The following PDGFC variants were observed in gnomAD, a reference collection of about 807,000 sequenced individuals.
PDGFC encodes platelet-derived growth factor C.
PDGFC carries 12 observed loss-of-function variants against 35.5 expected under a neutral mutation model. That is an observed-to-expected ratio of 0.34 (90% confidence interval 0.22 to 0.55). The LOEUF is 0.55. PDGFC is among the 20% of genes least tolerant of loss of function. PDGFC has a pLI of 0.91. For synonymous variants in PDGFC, 159 were observed against 148.8 expected, an observed-to-expected ratio of 1.07 and a Z score of -0.50; for missense variants, 322 against 412.4, an observed-to-expected ratio of 0.78 and a Z score of 1.90.
At chr4:156,792,201 A>G (rs1331053802) in intron 3 of PDGFC, among the ~76,000 whole-genome samples, 1 of 152,190 alleles carries the variant, frequency 6.6e-6, no homozygotes, top group Non-Finnish European at 1.5e-5. Context: ...AGTGGTTAGG[A>G]AAGTGATTAA....
intron 2 of PDGFC, among the ~76,000 whole-genome samples, chr4:156,834,445 G>C (rs1729015171): frequency 6.6e-6 from 1 of 152,086 alleles, no homozygotes; most frequent in African/African-American, 2.4e-5. Flanking sequence ...AATTTTAGAA[G>C]CAATAAATTA....
At chr4:156,817,793 T>C (rs148036378) in intron 2 of PDGFC, among the ~76,000 whole-genome samples, 9,008 of 152,130 alleles carry the variant, frequency 0.059, 374 homozygotes, top group Middle Eastern at 0.12. Flanking sequence ...GCGTGGTGGC[T>C]CATGCCTGTA....
intron 1 of PDGFC, among the ~76,000 whole-genome samples, chr4:156,947,609 C>T (rs1243118900): frequency 6.6e-6 from 1 of 151,664 alleles, no homozygotes; most frequent in Admixed American, 6.6e-5. Context: ...GAGGTGGTAT[C>T]ACAAAACAAC....
intron 2 of PDGFC, among the ~76,000 whole-genome samples, chr4:156,823,169 C>T (rs1227667425): frequency 1.3e-5 from 2 of 152,046 alleles, no homozygotes; most frequent in South Asian, 2.1e-4. Context: ...CTTTGGGAGA[C>T]GGAGCTGAGC....
At chr4:156,806,327 T>G (rs999986788) in intron 3 of PDGFC, among the ~76,000 whole-genome samples, 3 of 152,084 alleles carry the variant, frequency 2.0e-5, no homozygotes, top group African/African-American at 7.2e-5. Context: ...CTATAACTTC[T>G]AATTCTCTTA....
intron 2 of PDGFC, among the ~76,000 whole-genome samples, chr4:156,819,023 A>G (rs911520493): frequency 7.2e-5 from 11 of 152,352 alleles, no homozygotes; most frequent in African/African-American, 2.6e-4. Flanking sequence ...GCCAAAGCCT[A>G]GTCCAGAGCA....
chr4:156,793,556 TATATATAA>T (rs1031369471), intron 3 of PDGFC, among the ~76,000 whole-genome samples: 14 of 145,476 alleles, frequency 9.6e-5, no homozygotes, highest in Middle Eastern at 3.6e-3. Context: ...TATATATATA[TATATATAA>T]AACACTTTAA....
At chr4:156,824,718 C>A (rs1181173788) in intron 2 of PDGFC, among the ~76,000 whole-genome samples, 1 of 152,060 alleles carries the variant, frequency 6.6e-6, no homozygotes, top group African/African-American at 2.4e-5. Flanking sequence ...TGAAATAATG[C>A]CAAGATTTAG....
intron 1 of PDGFC, among the ~76,000 whole-genome samples, chr4:156,865,386 T>C (rs1294358130): frequency 6.6e-6 from 1 of 152,208 alleles, no homozygotes; most frequent in Non-Finnish European, 1.5e-5. Context: ...TTAAAAATTA[T>C]TAACTTTTCT....
At chr4:156,847,950 T>C (rs1257126691) in intron 2 of PDGFC, among the ~76,000 whole-genome samples, 1 of 151,702 alleles carries the variant, frequency 6.6e-6, no homozygotes, top group Non-Finnish European at 1.5e-5. Context: ...TGACTTTGCA[T>C]TTCACTGGGG....
In PDGFC at chr4:156,771,527, T is replaced by G. The variant is rs149833849; in HGVS notation, c.703+1159A>C. ...ACAGCTTTCAGCATCTGGACAGGAC[T>G]CAACTGCCCAGGCACTTGAACACTG... is the stretch of plus-strand genomic sequence containing the variant. On this transcript the variant is annotated intron_variant, in intron 4 of 5. Coordinates refer to ENST00000502773, the MANE Select transcript of PDGFC (RefSeq NM_016205.3). 1.1e-3 allele frequency among the ~76,000 whole-genome samples: 171 copies of G among 152,270 alleles called. 1 individual carries two copies. The highest frequency in any genetic ancestry group is 3.1e-3 in the Admixed American group (48 of 15,276).
At chr4:156,822,130 C>A (rs955031333) in intron 2 of PDGFC, among the ~76,000 whole-genome samples, 1 of 151,922 alleles carries the variant, frequency 6.6e-6, no homozygotes, top group Non-Finnish European at 1.5e-5. Flanking sequence ...GAGGCCAAGG[C>A]GGGTAGATCA....
chr4:156,920,895 T>G (rs149687604), intron 1 of PDGFC, among the ~76,000 whole-genome samples: 292 of 152,322 alleles, frequency 1.9e-3, no homozygotes, highest in African/African-American at 6.1e-3. Flanking sequence ...GGAGTGTAGT[T>G]GTTACAGACC....
At chr4:156,889,767 T>C (rs891229247) in intron 1 of PDGFC, among the ~76,000 whole-genome samples, 1 of 152,188 alleles carries the variant, frequency 6.6e-6, no homozygotes, top group African/African-American at 2.4e-5. Flanking sequence ...ATCTTGTCGG[T>C]TGCCCAATCT....
rs576010660 is a variant in PDGFC, at chr4:156,772,980, G to C, written c.496-87C>G. On this transcript the variant is annotated intron_variant, in intron 3 of 5. Coordinates refer to ENST00000502773, the MANE Select transcript of PDGFC (RefSeq NM_016205.3). ...ATATGCAAGAAATTATAAAGACTGA[G>C]GCTGGAAATATGTGTGAAGGGAAAT... 252 of 861,546 alleles carry C rather than the reference G, an allele frequency of 2.9e-4. 2 individuals are homozygous for C. In the South Asian group the frequency reaches 3.5e-3, roughly 12 times the overall value. The allele number at this position is 861,546 out of a possible 1,614,324, so 53.4% of individuals were successfully genotyped here.
intron 1 of PDGFC, among the ~76,000 whole-genome samples, chr4:156,930,729 G>A (rs752239962): frequency 3.9e-5 from 6 of 152,024 alleles, no homozygotes; most frequent in Non-Finnish European, 7.4e-5. Context: ...TTAGCTGGGA[G>A]TGGTGGTGCA....
At chr4:156,829,158 A>G (rs1728865399) in intron 2 of PDGFC, among the ~76,000 whole-genome samples, 1 of 152,194 alleles carries the variant, frequency 6.6e-6, no homozygotes, top group African/African-American at 2.4e-5. Flanking sequence ...TCTAACTCTT[A>G]TGATCTACTA....
intron 1 of PDGFC, among the ~76,000 whole-genome samples, chr4:156,934,708 C>A (rs922811251): frequency 2.0e-5 from 3 of 152,090 alleles, no homozygotes; most frequent in African/African-American, 7.2e-5. Flanking sequence ...TTCTTTATAT[C>A]CATATTCTAT....
Position 156,971,462 on chromosome 4 carries a change from C to T in PDGFC, c.-559G>A. On this transcript the variant is annotated 5_prime_UTR_variant, in exon 1 of 6. Coordinates refer to ENST00000502773, the MANE Select transcript of PDGFC (RefSeq NM_016205.3). ...GGGAAGAAACAAGGCGAGGGCGCCG[C>T]GGCGGGTCCCACGGGCCGGGGCGCC... is the stretch of plus-strand genomic sequence containing the variant. 5.2e-6 allele frequency: 1 copy of T among 191,932 alleles called. No homozygotes were observed. The allele number at this position is 191,932 out of a possible 1,614,324, so 11.9% of individuals were successfully genotyped here. A position where few individuals can be genotyped will look rare whatever the true frequency, so the allele number is the denominator to read the frequency against.
Sources: gnomAD v4.1 joint callset for allele counts (sites outside exome capture counted in the v4.1 genomes callset) on GRCh38, gnomAD v4.1.1 for gene constraint, MANE v1.5 for transcripts, NCBI Gene and HGNC (gene_info 2026-07-23, HGNC 2026-07-21) for gene names.